The following ARV1 variants were observed in gnomAD, a reference collection of about 807,000 sequenced individuals.
The protein encoded by ARV1 is protein ARV1.
ARV1 carries 26 observed loss-of-function variants against 31.1 expected under a neutral mutation model. The ratio of observed to expected loss-of-function variants is 0.84; its 90% CI spans 0.61 to 1.16. The LOEUF is 1.16. Among genes scored for constraint, ARV1 ranks in the 50% most tolerant of loss-of-function variants. The pLI is 0.00. For missense variants in ARV1, 281 were observed against 324.9 expected (o/e 0.86, Z 1.04); for synonymous variants, 117 against 123.2 (o/e 0.95, Z 0.34).
intron 1 of ARV1, chr1:230,979,494 C>G (rs1327279104): frequency 1.9e-6 from 1 of 539,706 alleles, no homozygotes; most frequent in Non-Finnish European, 3.2e-6. Context: ...CCTAAGCCGG[C>G]GAACGGACCG....
intron 2 of ARV1, among the ~76,000 whole-genome samples, chr1:230,989,479 G>A (rs1397783636): frequency 1.3e-5 from 2 of 152,064 alleles, no homozygotes; most frequent in Non-Finnish European, 2.9e-5. Context: ...ACCTGAAGGA[G>A]GAATACATAG....
intron 4 of ARV1, among the ~76,000 whole-genome samples, 175 bp from the exon 5 acceptor site, chr1:230,996,946 G>A: frequency 6.6e-6 from 1 of 152,088 alleles, no homozygotes; most frequent in Non-Finnish European, 1.5e-5. Flanking sequence ...TAGAGGCTTT[G>A]GTTCTCTAAA....
intron 3 of ARV1, among the ~76,000 whole-genome samples, chr1:230,993,989 G>C (rs1679296570): frequency 6.6e-6 from 1 of 152,220 alleles, no homozygotes; most frequent in Non-Finnish European, 1.5e-5. Flanking sequence ...CATCCTCTGA[G>C]GTAGGTAGGT....
intron 3 of ARV1, 75 bp downstream of exon 3, chr1:230,990,338 A>G (rs1435008778): frequency 1.2e-5 from 18 of 1,542,744 alleles, no homozygotes; most frequent in Non-Finnish European, 1.5e-5. Flanking sequence ...TAAGACATGT[A>G]GTCTTAATTG....
chr1:230,986,666 C>CTTTTTTTTTTTTT (rs1558242688), intron 1 of ARV1, among the ~76,000 whole-genome samples: 2 of 79,690 alleles, frequency 2.5e-5, no homozygotes, highest in East Asian at 4.6e-4. Context: ...AATACTTTTC[C>CTTTTTTTTTTTTT]TATTTTTTTT....
chr1:230,996,126 G>T, intron 4 of ARV1, 142 bp downstream of exon 4: 1 of 652,092 alleles, frequency 1.5e-6, no homozygotes, highest in South Asian at 1.9e-5. Flanking sequence ...CACTTCTATA[G>T]CACCTTATAC....
intron 5 of ARV1, among the ~76,000 whole-genome samples, chr1:230,997,951 G>A (rs145270822): frequency 6.6e-5 from 10 of 152,302 alleles, no homozygotes; most frequent in East Asian, 3.9e-4. Context: ...GCCATACCTC[G>A]ATTGTTCTGT....
In ARV1 at chr1:230,979,598, T is replaced by C. The variant is rs142343528; in HGVS notation, c.174+319T>C. 188 of 328,360 alleles carry C rather than the reference T, an allele frequency of 5.7e-4. 3 individuals are homozygous for C. The highest frequency in any genetic ancestry group is 4.1e-3 in the South Asian group (142 of 34,342). 20.3% of individuals were successfully genotyped at this position (328,360 alleles called of 1,614,324 possible). On this transcript the variant is annotated intron_variant, in intron 1 of 5. Transcript: ENST00000310256. The stretch of plus-strand genomic sequence containing the variant: ...GGTTCATGCCAAAGCTACTTCCTTC[T>C]AGCTCTTCTCCCTTTGACAGAGAGA...
At chr1:230,979,796 G>A (rs759987076) in intron 1 of ARV1, among the ~76,000 whole-genome samples, 3 of 152,152 alleles carry the variant, frequency 2.0e-5, no homozygotes, top group Non-Finnish European at 4.4e-5. Context: ...GGTGTTCGTA[G>A]AATACCTTGA....
At chr1:230,993,191 AG>A (rs1679278301) in intron 3 of ARV1, among the ~76,000 whole-genome samples, 1 of 152,144 alleles carries the variant, frequency 6.6e-6, no homozygotes, top group Non-Finnish European at 1.5e-5. Context: ...CCTGGGCTCA[AG>A]GGATCCCCCT....
intron 2 of ARV1, among the ~76,000 whole-genome samples, chr1:230,989,522 T>C (rs146938262): frequency 5.3e-4 from 81 of 152,366 alleles, no homozygotes; most frequent in African/African-American, 1.9e-3. Flanking sequence ...TAGTATTTTT[T>C]ATTTTAGCCA....
At position 230,990,097 on chromosome 1, in the gene ARV1, C is replaced by G. The variant is rs757442151; in HGVS notation, c.295-13C>G. 1 of 1,597,274 alleles carries G rather than the reference C, an allele frequency of 6.3e-7. No individual in the cohort carries two copies. ...TCCTTACCTAATTGAATGGCAATGT[C>G]TTTGACTATCAGATCCATGGAAAAC... On this transcript the variant is annotated splice_polypyrimidine_tract_variant and intron_variant, in intron 2 of 5. Coordinates refer to ENST00000310256, the MANE Select transcript of ARV1 (RefSeq NM_022786.3).
At chr1:230,995,222 A>G (rs913203022) in intron 3 of ARV1, among the ~76,000 whole-genome samples, 1 of 152,230 alleles carries the variant, frequency 6.6e-6, no homozygotes, top group African/African-American at 2.4e-5. Context: ...ACTTTCTGGA[A>G]GTGTAAGGAA....
intron 1 of ARV1, among the ~76,000 whole-genome samples, chr1:230,981,297 C>G (rs1000959790): frequency 6.6e-6 from 1 of 152,186 alleles, no homozygotes; most frequent in Non-Finnish European, 1.5e-5. Context: ...TACCCTGAAC[C>G]TCTTCCCTGA....
In ARV1 at chr1:230,995,821, A is replaced by C. The variant is rs1679346167; in HGVS notation, c.510A>C (p.Ala170=). 1.3e-6 allele frequency: 2 copies of C among 1,583,420 alleles called. No individual in the cohort carries two copies. The highest frequency in any genetic ancestry group is 1.7e-6 in the Non-Finnish European group (2 of 1,159,918). ...TFLWVERPMT[A]KKKPNFILLL... is the part of the protein sequence containing the mutation. ...TGTGGGTAGAACGGCCCATGACGGC[A>C]AAAAAAAAGCCCAACTTCATTTTGC... Residue 170 remains alanine, a synonymous_variant, in exon 4 of 6, where the codon GCA becomes GCC. Coordinates refer to ENST00000310256, the MANE Select transcript of ARV1 (RefSeq NM_022786.3).
intron 2 of ARV1, 135 bp from the exon 3 acceptor site, chr1:230,989,975 A>G (rs1400499461): frequency 1.2e-6 from 1 of 848,312 alleles, no homozygotes; most frequent in African/African-American, 1.8e-5. Context: ...CAAAATGACT[A>G]CAATTAGCCA....
intron 1 of ARV1, among the ~76,000 whole-genome samples, chr1:230,985,514 A>G (rs1018768832): frequency 9.9e-5 from 15 of 152,214 alleles, no homozygotes; most frequent in Admixed American, 7.9e-4. Context: ...AGCCACTCCA[A>G]AGACATTTGT....
At chr1:230,986,666 C>CTTTT (rs1558242688) in intron 1 of ARV1, among the ~76,000 whole-genome samples, 3 of 79,690 alleles carry the variant, frequency 3.8e-5, no homozygotes, top group African/African-American at 8.7e-5. Flanking sequence ...AATACTTTTC[C>CTTTT]TATTTTTTTT....
At chr1:230,999,144 T>C (rs1679456859) in intron 5 of ARV1, among the ~76,000 whole-genome samples, 1 of 152,178 alleles carries the variant, frequency 6.6e-6, no homozygotes, top group Non-Finnish European at 1.5e-5. Flanking sequence ...CCAGGCCTCA[T>C]ACCTCCAGCT....
Sources: gnomAD v4.1 joint callset for allele counts (sites outside exome capture counted in the v4.1 genomes callset) on GRCh38, gnomAD v4.1.1 for gene constraint, MANE v1.5 for transcripts, NCBI Gene and HGNC (gene_info 2026-07-23, HGNC 2026-07-21) for gene names.